The following ANKS1B variants were observed in gnomAD, a reference collection of about 807,000 sequenced individuals.
The protein encoded by ANKS1B is ankyrin repeat and sterile alpha motif domain containing 1B.
In ANKS1B, 36 loss-of-function variants were observed where a neutral mutation model predicts 148.3. The ratio of observed to expected loss-of-function variants is 0.24; its 90% CI spans 0.19 to 0.32. ANKS1B has a LOEUF of 0.32. Ranked by LOEUF, ANKS1B falls within the 10% of genes least tolerant of loss-of-function variation. The probability of loss-of-function intolerance (pLI) is 1.00; values close to 1 mark genes in which losing one functional copy is unlikely to be tolerated. For missense variants in ANKS1B, 1,157 were observed against 1,542.6 expected (o/e 0.75, Z 4.19); for synonymous variants, 542 against 560.8 (o/e 0.97, Z 0.47).
At chr12:99,695,544 T>G (rs2053756401) in intron 8 of ANKS1B, among the ~76,000 whole-genome samples, 1 of 152,228 alleles carries the variant, frequency 6.6e-6, no homozygotes, top group South Asian at 2.1e-4. Flanking sequence ...GTCTTATGCA[T>G]GGTGGTGCCT....
chr12:99,919,877 A>G (rs1194680175), intron 1 of ANKS1B, among the ~76,000 whole-genome samples: 1 of 152,064 alleles, frequency 6.6e-6, no homozygotes, highest in Non-Finnish European at 1.5e-5. Context: ...TTGAAATAAT[A>G]TTTGGATTTA....
chr12:99,098,619 C>CTTTTTTTTTTTTTTT lies in ANKS1B; in HGVS notation c.2527-13611_2527-13597dup, dbSNP rs71081896. 1.2e-4 allele frequency among the ~76,000 whole-genome samples: 4 copies of CTTTTTTTTTTTTTTT among 32,112 alleles called. 1 individual carries two copies. Among genetic ancestry groups the CTTTTTTTTTTTTTTT allele is most frequent in the Admixed American group, 6.7e-4 (1 of 1,484 alleles). The allele number at this position is 32,112 out of a possible 152,430, so 21.1% of individuals were successfully genotyped here. A position where few individuals can be genotyped will look rare whatever the true frequency, so the allele number is the denominator to read the frequency against. ...AATAAAGCATGCCTGCTAGGAACTA[C>CTTTTTTTTTTTTTTT]TTTTTTTTTTTTTTTTTTTTTTTTT... is the stretch of plus-strand genomic sequence containing the variant. On this transcript the variant is annotated intron_variant, in intron 15 of 26. Transcript: ENST00000683438.
At chr12:99,463,585 C>T (rs988241056) in intron 10 of ANKS1B, among the ~76,000 whole-genome samples, 1 of 152,198 alleles carries the variant, frequency 6.6e-6, no homozygotes, top group Non-Finnish European at 1.5e-5. Flanking sequence ...TCACTCCCAC[C>T]CTAATACTGC....
At chr12:99,526,768 T>C (rs552422230) in intron 9 of ANKS1B, among the ~76,000 whole-genome samples, 2 of 152,326 alleles carry the variant, frequency 1.3e-5, no homozygotes, top group East Asian at 1.9e-4. Context: ...TTACTTTGGG[T>C]ATGATATGGG....
At chr12:99,951,000 C>T (rs903017294) in intron 1 of ANKS1B, among the ~76,000 whole-genome samples, 8 of 152,166 alleles carry the variant, frequency 5.3e-5, no homozygotes, top group South Asian at 2.1e-4. Context: ...CTAATTGATA[C>T]TTTCAGCCGG....
chr12:98,910,208 A>G (rs1034966815), intron 17 of ANKS1B, among the ~76,000 whole-genome samples: 3 of 152,224 alleles, frequency 2.0e-5, no homozygotes, highest in African/African-American at 7.2e-5. Flanking sequence ...CTAACAACAC[A>G]AAGGAAGTGA....
intron 17 of ANKS1B, among the ~76,000 whole-genome samples, chr12:98,842,485 A>T (rs1211798877): frequency 6.6e-6 from 1 of 152,222 alleles, no homozygotes; most frequent in Non-Finnish European, 1.5e-5. Flanking sequence ...GAAATGTTCT[A>T]AAATGGGATT....
At chr12:99,540,076 C>T (rs766201897) in intron 9 of ANKS1B, among the ~76,000 whole-genome samples, 4 of 151,704 alleles carry the variant, frequency 2.6e-5, no homozygotes, top group African/African-American at 4.8e-5. Context: ...AAAAAAAAGA[C>T]ATTTTATAAA....
intron 9 of ANKS1B, among the ~76,000 whole-genome samples, chr12:99,644,612 T>C (rs1310979971): frequency 6.6e-6 from 1 of 152,166 alleles, no homozygotes; most frequent in Non-Finnish European, 1.5e-5. Context: ...TCCAAAGCCA[T>C]TTCTATATTT....
At chr12:99,685,898 T>C (rs1468349733) in intron 8 of ANKS1B, among the ~76,000 whole-genome samples, 2 of 152,124 alleles carry the variant, frequency 1.3e-5, no homozygotes, top group African/African-American at 4.8e-5. Flanking sequence ...CCAAACATTG[T>C]ATGTTCTCAC....
intron 12 of ANKS1B, among the ~76,000 whole-genome samples, chr12:99,355,284 A>C (rs1242788973): frequency 6.6e-6 from 1 of 152,206 alleles, no homozygotes; most frequent in South Asian, 2.1e-4. Context: ...AGATTGGGAT[A>C]GTGCTAGAAT....
At chr12:98,760,807 A>G (rs2098388360) in intron 25 of ANKS1B, among the ~76,000 whole-genome samples, 1 of 152,204 alleles carries the variant, frequency 6.6e-6, no homozygotes, top group East Asian at 1.9e-4. Flanking sequence ...CAAGTGAAAA[A>G]TGTTGTTACG....
intron 12 of ANKS1B, among the ~76,000 whole-genome samples, chr12:99,399,005 A>G (rs2094329612): frequency 3.3e-5 from 5 of 152,108 alleles, no homozygotes; most frequent in Admixed American, 2.0e-4. Flanking sequence ...AGGGGAGGAT[A>G]TTCTTTGGGT....
chr12:99,618,037 C>T (rs2097992996), intron 9 of ANKS1B, among the ~76,000 whole-genome samples: 1 of 152,110 alleles, frequency 6.6e-6, no homozygotes, highest in African/African-American at 2.4e-5. Flanking sequence ...GACCTCAATC[C>T]CTAATGCTTT....
At chr12:99,223,077 T>C (rs1183675066) in intron 14 of ANKS1B, among the ~76,000 whole-genome samples, 1 of 152,234 alleles carries the variant, frequency 6.6e-6, no homozygotes, top group Non-Finnish European at 1.5e-5. Context: ...TTTCCTAGAA[T>C]TGGCCTCACA....
At chr12:99,666,429 T>C (rs2098507160) in intron 8 of ANKS1B, among the ~76,000 whole-genome samples, 1 of 152,220 alleles carries the variant, frequency 6.6e-6, no homozygotes, top group Non-Finnish European at 1.5e-5. Context: ...CATGATGGTA[T>C]ATCCCCGTAG....
At chr12:99,144,785 G>A (rs371077133) in intron 15 of ANKS1B, among the ~76,000 whole-genome samples, 24 of 151,862 alleles carry the variant, frequency 1.6e-4, no homozygotes, top group Non-Finnish European at 3.2e-4. Flanking sequence ...GTGCATATTC[G>A]ACATGCACAG....
At chr12:99,137,023 G>A (rs768472511) in intron 15 of ANKS1B, among the ~76,000 whole-genome samples, 8 of 152,018 alleles carry the variant, frequency 5.3e-5, no homozygotes, top group Non-Finnish European at 8.8e-5. Flanking sequence ...CCTCATTCTC[G>A]TTTCCAAGAG....
At chr12:99,394,277 A>G (rs1429426851) in intron 12 of ANKS1B, among the ~76,000 whole-genome samples, 1 of 152,206 alleles carries the variant, frequency 6.6e-6, no homozygotes, top group Non-Finnish European at 1.5e-5. Flanking sequence ...ATCTCCTGCC[A>G]GTATTTGCAC....
Sources: allele counts gnomAD v4.1 joint callset (sites outside exome capture counted in the v4.1 genomes callset), GRCh38; gene constraint gnomAD v4.1.1; transcripts MANE v1.5; gene names NCBI Gene and HGNC (gene_info 2026-07-23, HGNC 2026-07-21).